The following FBXL17 variants were observed in gnomAD, a reference collection of about 807,000 sequenced individuals.
FBXL17 encodes F-box and leucine rich repeat protein 17, also known as F-box/LRR-repeat protein 17.
In FBXL17, 22 loss-of-function variants were observed where a neutral mutation model predicts 66.2. The ratio of observed to expected loss-of-function variants is 0.33; its 90% CI spans 0.24 to 0.47. The LOEUF (loss-of-function observed/expected upper bound fraction) is 0.47, where lower values mean the gene tolerates loss of function less well. FBXL17 is among the 20% of genes least tolerant of loss of function. The pLI, the probability that FBXL17 is intolerant of heterozygous loss-of-function variation, is 1.00. For missense variants in FBXL17, 878 were observed against 948.2 expected, an observed-to-expected ratio of 0.93 and a Z score of 0.97; for synonymous variants, 474 against 400.5, an observed-to-expected ratio of 1.18 and a Z score of -2.19.
At chr5:108,042,599 T>C (rs1473099160) in intron 6 of FBXL17, among the ~76,000 whole-genome samples, 1 of 152,240 alleles carries the variant, frequency 6.6e-6, no homozygotes, top group East Asian at 1.9e-4. Context: ...AAATAGTCTG[T>C]ACCTTTTTAT....
chr5:108,235,390 T>C (rs948002061), intron 4 of FBXL17, among the ~76,000 whole-genome samples: 5 of 152,230 alleles, frequency 3.3e-5, no homozygotes, highest in African/African-American at 1.2e-4. Context: ...ATACTAGCAC[T>C]GTAAAGATGG....
At chr5:108,305,540 T>C (rs1758797613) in intron 4 of FBXL17, among the ~76,000 whole-genome samples, 2 of 152,008 alleles carry the variant, frequency 1.3e-5, no homozygotes, top group Non-Finnish European at 2.9e-5. Flanking sequence ...AGAGAGACAC[T>C]GTCAACTATA....
intron 7 of FBXL17, among the ~76,000 whole-genome samples, chr5:107,945,041 ACTGT>A (rs149073511): frequency 0.023 from 3,509 of 152,176 alleles, 125 homozygotes; most frequent in African/African-American, 0.08. Flanking sequence ...TAGCATCCAG[ACTGT>A]CTAAGAATAA....
At chr5:108,315,247 GAGA>G (rs563314794) in intron 4 of FBXL17, among the ~76,000 whole-genome samples, 12 of 151,114 alleles carry the variant, frequency 7.9e-5, no homozygotes, top group South Asian at 4.2e-4. Flanking sequence ...ATGAAATCCA[GAGA>G]AGAAGATGGA....
At chr5:108,136,526 A>C (rs1751141579) in intron 6 of FBXL17, among the ~76,000 whole-genome samples, 2 of 152,202 alleles carry the variant, frequency 1.3e-5, no homozygotes, top group Non-Finnish European at 2.9e-5. Flanking sequence ...ATATGAAGCA[A>C]AGGACTACAG....
At position 108,087,937 on chromosome 5, in the gene FBXL17, C is replaced by G. The variant is rs560839071; in HGVS notation, c.1746-66936G>C. On this transcript the variant is annotated intron_variant, in intron 6 of 8. Transcript: ENST00000542267. ...TATTTCTCATGAGTCACCAGTTTCG[C>G]TTTTTTTAAAAAACAAAAATTGTAA... Among the ~76,000 whole-genome samples the G allele has an allele frequency of 2.6e-5, 4 of 152,112 alleles. No homozygotes were observed. In the East Asian group the frequency reaches 7.7e-4, roughly 29 times the overall value.
chr5:108,184,239 C>G (rs1461090024), intron 6 of FBXL17, among the ~76,000 whole-genome samples: 1 of 152,122 alleles, frequency 6.6e-6, no homozygotes, highest in East Asian at 1.9e-4. Context: ...ACCAGCCTGG[C>G]CAACAGAAAC....
At chr5:108,066,218 A>G (rs1323364901) in intron 6 of FBXL17, among the ~76,000 whole-genome samples, 1 of 152,174 alleles carries the variant, frequency 6.6e-6, no homozygotes, top group East Asian at 1.9e-4. Flanking sequence ...GAGATTATTC[A>G]AACTCAGCTA....
In FBXL17 at chr5:108,178,027, C is replaced by T. The variant is rs531362495; in HGVS notation, c.1745+8090G>A. Among the ~76,000 whole-genome samples the T allele has an allele frequency of 1.9e-4, 28 of 150,702 alleles. No individual in the cohort carries two copies. In the South Asian group the frequency reaches 3.8e-3, roughly 20 times the overall value. On this transcript the variant is annotated intron_variant, in intron 6 of 8. Coordinates refer to ENST00000542267, the MANE Select transcript of FBXL17 (RefSeq NM_001163315.3). ...TAGAAGAACAGAAAAGGCATGGTTT[C>T]GTATCTTATTTTTTTTGAGACAGGG...
intron 6 of FBXL17, among the ~76,000 whole-genome samples, chr5:108,040,151 T>C (rs1306912950): frequency 6.6e-6 from 1 of 152,116 alleles, no homozygotes; most frequent in Admixed American, 6.5e-5. Context: ...TTTTGCTGTT[T>C]GGGAGTCACC....
chr5:107,997,951 T>C (rs983810080), intron 7 of FBXL17, among the ~76,000 whole-genome samples: 1 of 152,200 alleles, frequency 6.6e-6, no homozygotes, highest in African/African-American at 2.4e-5. Flanking sequence ...AATCCTGAAG[T>C]GGAGTTTTAA....
chr5:107,906,699 T>C (rs1749770578), intron 7 of FBXL17, among the ~76,000 whole-genome samples: 1 of 151,928 alleles, frequency 6.6e-6, no homozygotes, highest in Non-Finnish European at 1.5e-5. Flanking sequence ...AACATTTGAG[T>C]GGGGAGGACA....
chr5:108,039,503 T>C (rs1746968416), intron 6 of FBXL17, among the ~76,000 whole-genome samples: 2 of 152,064 alleles, frequency 1.3e-5, no homozygotes, highest in South Asian at 4.1e-4. Flanking sequence ...TATAGGCTAG[T>C]TGTAAAAAAA....
chr5:108,117,753 C>T (rs750466531), intron 6 of FBXL17, among the ~76,000 whole-genome samples: 59 of 152,108 alleles, frequency 3.9e-4, no homozygotes, highest in Admixed American at 1.5e-3. Context: ...CACCCCCTCT[C>T]GGAAATCCCT....
chr5:108,252,818 AAAGGTAC>A (rs2150115491), intron 4 of FBXL17, among the ~76,000 whole-genome samples: 1 of 152,314 alleles, frequency 6.6e-6, no homozygotes, highest in East Asian at 1.9e-4. Context: ...AAGCTGGGTA[AAAGGTAC>A]TGCTGCCATT....
intron 4 of FBXL17, among the ~76,000 whole-genome samples, chr5:108,227,426 T>C (rs1261440952): frequency 6.6e-6 from 1 of 152,234 alleles, no homozygotes; most frequent in East Asian, 1.9e-4. Flanking sequence ...ATGTAGCTTA[T>C]AAAAGAAAGT....
chr5:107,867,610 T>C (rs1037427768), intron 8 of FBXL17, among the ~76,000 whole-genome samples: 1 of 152,242 alleles, frequency 6.6e-6, no homozygotes, highest in African/African-American at 2.4e-5. Context: ...TCCCTTTTAA[T>C]GTCATAGTTA....
At chr5:108,121,400 C>T (rs1750491720) in intron 6 of FBXL17, among the ~76,000 whole-genome samples, 1 of 151,834 alleles carries the variant, frequency 6.6e-6, no homozygotes, top group South Asian at 2.1e-4. Flanking sequence ...ATAGGAAGCA[C>T]ACATTTATAT....
chr5:108,116,970 G>T (rs1750283026), intron 6 of FBXL17, among the ~76,000 whole-genome samples: 1 of 152,026 alleles, frequency 6.6e-6, no homozygotes, highest in African/African-American at 2.4e-5. Flanking sequence ...TTTTGTTAGG[G>T]CTGTGGATAT....
Sources: gnomAD v4.1 joint callset for allele counts (sites outside exome capture counted in the v4.1 genomes callset) on GRCh38, gnomAD v4.1.1 for gene constraint, MANE v1.5 for transcripts, NCBI Gene and HGNC (gene_info 2026-07-23, HGNC 2026-07-21) for gene names.